Variants in DOP1A observed in about 807,000 individuals in gnomAD.
The protein encoded by DOP1A is protein DOP1A.
A neutral mutation model predicts 267.6 loss-of-function variants in DOP1A; 90 were observed. The observed-to-expected ratio is 0.34, with a 90% CI of 0.28 to 0.40. The LOEUF (loss-of-function observed/expected upper bound fraction) is 0.40, where lower values mean the gene tolerates loss of function less well. DOP1A is among the 10% of genes least tolerant of loss of function. The pLI, the probability that DOP1A is intolerant of heterozygous loss-of-function variation, is 1.00. For missense variants in DOP1A, 2,437 were observed against 2,900.4 expected, an observed-to-expected ratio of 0.84 and a Z score of 3.67; for synonymous variants, 932 against 999.1, an observed-to-expected ratio of 0.93 and a Z score of 1.27.
chr6:83,104,323 A>C (rs1773173078), intron 4 of DOP1A, among the ~76,000 whole-genome samples: 1 of 152,002 alleles, frequency 6.6e-6, no homozygotes, highest in South Asian at 2.1e-4. Context: ...TGTTAAAGAG[A>C]GTAGGGGCAA....
intron 1 of DOP1A, among the ~76,000 whole-genome samples, chr6:83,071,267 A>C (rs1785539183): frequency 6.6e-6 from 1 of 151,886 alleles, no homozygotes; most frequent in East Asian, 1.9e-4. Flanking sequence ...GCTGGAGTGC[A>C]GTGGAGTGAG....
intron 1 of DOP1A, among the ~76,000 whole-genome samples, chr6:83,076,606 A>G (rs1767137371): frequency 6.6e-6 from 1 of 152,124 alleles, no homozygotes; most frequent in Admixed American, 6.5e-5. Flanking sequence ...GATGGCTACT[A>G]TTAAAAAAAA....
downstream of DOP1A, chr6:83,170,433 C>T: frequency 6.2e-7 from 1 of 1,614,088 alleles, no homozygotes. Flanking sequence ...GGTGTAACTG[C>T]TTGTCTTTCA....
At chr6:83,086,406 G>A (rs1311000785) in intron 1 of DOP1A, among the ~76,000 whole-genome samples, 1 of 152,188 alleles carries the variant, frequency 6.6e-6, no homozygotes, top group East Asian at 1.9e-4. Context: ...TGAGTGGGCA[G>A]AGGAAGAGGA....
intron 1 of DOP1A, among the ~76,000 whole-genome samples, chr6:83,090,563 A>G (rs1770166377): frequency 6.6e-6 from 1 of 152,228 alleles, no homozygotes; most frequent in Non-Finnish European, 1.5e-5. Flanking sequence ...GTTATTCACA[A>G]ACTTTGTTAA....
intron 4 of DOP1A, 66 bp from the exon 5 acceptor site, chr6:83,108,844 T>G: frequency 7.2e-7 from 1 of 1,395,874 alleles, no homozygotes; most frequent in Non-Finnish European, 9.7e-7. Context: ...ATACATATAA[T>G]TGCATATGAA....
chr6:83,132,382 CACAA>C (rs71820880), intron 18 of DOP1A, 54 bp downstream of exon 18: 311,957 of 1,442,396 alleles, frequency 0.22, 17,680 homozygotes, highest in African/African-American at 0.23. Context: ...CACACACACA[CACAA>C]ATACTGAAAA....
chr6:83,147,277 T>C lies in DOP1A; in HGVS notation c.5718T>C (p.Tyr1906=), dbSNP rs1204329218. Residue 1906 remains tyrosine (Y), a synonymous_variant, in exon 26 of 39, where the codon TAT becomes TAC. Coordinates refer to ENST00000349129, the MANE Select transcript of DOP1A (RefSeq NM_015018.4). The part of the protein sequence containing the change: ...SLEVCMLQFF[Y]AYIQRIPVPN... Reference sequence around the variant, plus strand: ...AAGTCTGCATGCTTCAGTTTTTCTATGCTTATATTCAAAGGTAAGATTACT... The same window carrying C: ...AAGTCTGCATGCTTCAGTTTTTCTACGCTTATATTCAAAGGTAAGATTACT... 1.3e-6 allele frequency: 2 copies of C among 1,502,162 alleles called. No individual in the cohort carries two copies. The highest frequency in any genetic ancestry group is 1.8e-6 in the Non-Finnish European group (2 of 1,095,568). 93.1% of individuals were successfully genotyped at this position (1,502,162 alleles called of 1,614,324 possible).
chr6:83,152,826 C>A (rs994339097), intron 30 of DOP1A, among the ~76,000 whole-genome samples: 1 of 151,992 alleles, frequency 6.6e-6, no homozygotes, highest in Non-Finnish European at 1.5e-5. Context: ...TCAGTTTGGC[C>A]AGGCTGGTCT....
intron 1 of DOP1A, among the ~76,000 whole-genome samples, chr6:83,069,156 T>C (rs1785194567): frequency 1.3e-5 from 2 of 152,214 alleles, no homozygotes; most frequent in Non-Finnish European, 2.9e-5. Flanking sequence ...TAACCAGGTG[T>C]GATCTCCAGG....
chr6:83,143,596 T>C (rs1779978852), intron 24 of DOP1A, among the ~76,000 whole-genome samples: 1 of 152,104 alleles, frequency 6.6e-6, no homozygotes, highest in Non-Finnish European at 1.5e-5. Context: ...GGAAAGACCA[T>C]TCCCAAAATT....
intron 7 of DOP1A, among the ~76,000 whole-genome samples, chr6:83,117,230 A>G (rs1422264453): frequency 5.3e-5 from 8 of 151,622 alleles, no homozygotes; most frequent in Admixed American, 5.3e-4. Context: ...AGCTCACTGC[A>G]ACCTCTGCCT....
chr6:83,139,522 T>A (rs568377618), intron 21 of DOP1A, among the ~76,000 whole-genome samples: 1 of 152,286 alleles, frequency 6.6e-6, no homozygotes, highest in Admixed American at 6.5e-5. Flanking sequence ...TGAAAATAAT[T>A]TAAATTTACA....
At chr6:83,134,548 T>C in intron 19 of DOP1A, 1 of 343,350 alleles carries the variant, frequency 2.9e-6, no homozygotes, top group Middle Eastern at 8.2e-4. Flanking sequence ...CTGATAATGT[T>C]AGTGATAGAG....
Position 83,156,070 on chromosome 6 carries a change from G to T in DOP1A, c.6571G>T (p.Asp2191Tyr). Residue 2191 changes from aspartate to tyrosine, a missense_variant, in exon 34 of 39, where the codon GAC becomes TAC. Coordinates refer to ENST00000349129, the MANE Select transcript of DOP1A (RefSeq NM_015018.4). ...LAFAIFSSEIDQYQKYLPDIQ... is the reference protein window; with the variant it reads ...LAFAIFSSEIYQYQKYLPDIQ... ...ATTTGCTATTTTTAGCAGTGAAATTGACCAGTACCAGAAATATCTTCCAGA... is the reference window on the plus strand; with the variant it reads ...ATTTGCTATTTTTAGCAGTGAAATTTACCAGTACCAGAAATATCTTCCAGA... 1 of 1,613,788 alleles carries T rather than the reference G, an allele frequency of 6.2e-7. No individual in the cohort carries two copies. The highest frequency in any genetic ancestry group is 1.1e-5 in the South Asian group (1 of 91,022).
Position 83,087,520 on chromosome 6 carries a change from TGAG to T in DOP1A, c.-146-9210_-146-9208del, listed in dbSNP as rs576429727. On this transcript the variant is annotated intron_variant, in intron 1 of 38. Coordinates refer to ENST00000349129, the MANE Select transcript of DOP1A (RefSeq NM_015018.4). ...TCTTTACCCCAAGGTAGGATGGGTA[TGAG>T]AAGGAAAACAGCCTCCGTGAAAGTG... is the stretch of plus-strand genomic sequence containing the variant. 3.2e-4 allele frequency among the ~76,000 whole-genome samples: 49 copies of T among 152,260 alleles called. 2 individuals carry two copies. In the South Asian group the frequency reaches 1.0e-2, roughly 31 times the overall value.
chr6:83,145,536 G>A lies in DOP1A; in HGVS notation c.5554G>A (p.Ala1852Thr). 6.3e-7 allele frequency: 1 copy of A among 1,598,370 alleles called. No homozygotes were observed. Residue 1852 changes from alanine (A) to threonine (T), a missense_variant, in exon 25 of 39, where the codon GCC (alanine) becomes ACC (threonine). By Grantham distance (58) the Ala-to-Thr change is moderately conservative. Coordinates refer to ENST00000349129, the MANE Select transcript of DOP1A (RefSeq NM_015018.4). ...TTTRTKVIPA[A>T]SEEQLLLVEL... ...ATTTATTACCTAGGTCATTCCTGCA[G>A]CCAGTGAAGAACAGCTTTTATTAGT...
chr6:83,140,487 G>A (rs917797882), intron 23 of DOP1A, 84 bp downstream of exon 23: 3 of 1,149,322 alleles, frequency 2.6e-6, no homozygotes, highest in African/African-American at 1.6e-5. Flanking sequence ...TGAATAATTT[G>A]TGTAGTATTT....
chr6:83,112,069 T>TA (rs1348482281), intron 6 of DOP1A, among the ~76,000 whole-genome samples: 5 of 152,208 alleles, frequency 3.3e-5, no homozygotes, highest in African/African-American at 1.2e-4. Context: ...AATATACTGT[T>TA]ACATTTCTTT....
Sources: allele counts gnomAD v4.1 joint callset (sites outside exome capture counted in the v4.1 genomes callset), GRCh38; gene constraint gnomAD v4.1.1; transcripts MANE v1.5; gene names NCBI Gene and HGNC (gene_info 2026-07-23, HGNC 2026-07-21).